The following FLNA variants were observed in gnomAD, a reference collection of about 807,000 sequenced individuals.
FLNA encodes the protein filamin A.
A neutral mutation model predicts 157.6 loss-of-function variants in FLNA; 7 were observed. The observed-to-expected ratio is 0.04, with a 90% CI of 0.03 to 0.08. The LOEUF (loss-of-function observed/expected upper bound fraction) is 0.08, where lower values mean the gene tolerates loss of function less well. Among genes scored for constraint, FLNA ranks in the 10% least tolerant of loss-of-function variants. FLNA has a pLI of 1.00. For missense variants in FLNA, 1,750 were observed against 2,398.4 expected (o/e 0.73, Z 5.65); for synonymous variants, 1,103 against 1,060.8 (o/e 1.04, Z -0.77).
At chrX:154,369,382 G>A (rs1315504023) in intron 2 of FLNA, among the ~76,000 whole-genome samples, 3 of 112,112 alleles carry the variant, frequency 2.7e-5, no homozygotes, top group Non-Finnish European at 5.7e-5. Context: ...CACACGGGGA[G>A]CAACCAGGCC....
intron 30 of FLNA, among the ~76,000 whole-genome samples, chrX:154,356,651 A>AGGGGAAG (rs1425368614): frequency 1.1e-5 from 1 of 89,867 alleles, no homozygotes; most frequent in African/African-American, 4.3e-5. Flanking sequence ...GCTGGGGGAT[A>AGGGGAAG]GGGGAAGGGG....
rs369768801 is a variant in FLNA at position 154,359,551 on chromosome X, G to A, written c.4075C>T (p.Arg1359Cys). Residue 1359 changes from arginine (R) to cysteine (C), a missense_variant, in exon 24 of 48, where the codon CGT (arginine) becomes TGT (cysteine). By Grantham distance (180) the Arg-to-Cys change is radical. Transcript: ENST00000369850. The part of the protein sequence containing the change: ...VTEGCDPSRV[R>C]VHGPGIQSGT... ...CTTTGGATGCCTGGCCCGTGGACAC[G>A]CACCCGGGAGGGGTCGCAGCCCTCG... is the stretch of plus-strand genomic sequence containing the variant. 1.7e-5 allele frequency: 20 copies of A among 1,209,398 alleles called. No individual in the cohort carries two copies. In the African/African-American group the frequency reaches 1.7e-4, roughly 11 times the overall value.
intron 4 of FLNA, 30 bp downstream of exon 4, chrX:154,367,611 T>G (rs1569551858): frequency 8.3e-7 from 1 of 1,210,690 alleles, no homozygotes. Flanking sequence ...TCCGGTCCCC[T>G]ACAGCTGTAG....
rs782326418 is a variant in FLNA, at chrX:154,354,806, AC to A, written c.5217+18del. 3.3e-6 allele frequency: 4 copies of A among 1,209,606 alleles called. No individual in the cohort carries two copies. The South Asian group carries it at 5.3e-5, about 16-fold the overall frequency. ...ACCTGCCAGACACCCCTGCTGACCT[AC>A]CCCCCACCCCTCCTCACCGTCACTT... On this transcript the variant is annotated intron_variant, in intron 31 of 47. Coordinates refer to ENST00000369850, the MANE Select transcript of FLNA (RefSeq NM_001110556.2).
intron 21 of FLNA, among the ~76,000 whole-genome samples, 179 bp from the exon 22 acceptor site, chrX:154,360,766 G>C (rs2067700198): frequency 8.9e-6 from 1 of 111,855 alleles, no homozygotes; most frequent in African/African-American, 3.2e-5. Context: ...AAAAAGGAGG[G>C]CAGGGCGCGG....
rs372869126 is a variant in FLNA, at chrX:154,358,149, C to T, written c.4755+50G>A. 4 of 1,191,625 alleles carry T rather than the reference C, an allele frequency of 3.4e-6. No individual in the cohort carries two copies. In the East Asian group the frequency reaches 8.9e-5, roughly 27 times the overall value. On this transcript the variant is annotated intron_variant, in intron 28 of 47. Transcript: ENST00000369850. ...AGACACCAGCCACCCGCAGCCCACA[C>T]TCCAGCCGCCCAGGCCCCCCTGCCT...
chrX:154,353,173 C>T lies in FLNA; in HGVS notation c.6054G>A (p.Glu2018=), dbSNP rs782116490. The change falls in exon 38 of 48, where the codon GAG becomes GAA. Residue 2018 remains glutamate, a synonymous_variant. Transcript: ENST00000369850. ...GISFVPKETG[E]HLVHVKKNGQ... ...CATTTTTCTTCACATGCACCAGGTG[C>T]TCCCCCGTCTCCTTGGGCACGAATG... 1 of 1,211,582 alleles carries T rather than the reference C, an allele frequency of 8.3e-7. No individual in the cohort carries two copies. The highest frequency in any genetic ancestry group is 1.8e-5 in the South Asian group (1 of 57,001).
Position 154,357,598 on chromosome X carries a change from G to A in FLNA, c.4781C>T (p.Thr1594Ile). 1 of 1,211,921 alleles carries A rather than the reference G, an allele frequency of 8.3e-7. No homozygotes were observed. The highest frequency in any genetic ancestry group is 1.1e-6 in the Non-Finnish European group (1 of 895,435). ...ITDPEGKPKK[T>I]HIQDNHDGTY... ...GCCGTCATGGTTGTCTTGGATGTGT[G>A]TCTTCTTCGGCTTGCCTTCGGGATC... Residue 1594 changes from threonine (T) to isoleucine (I), a missense_variant, in exon 29 of 48, where the codon ACA becomes ATA. Physicochemically the swap from Thr to Ile is moderately conservative, Grantham distance 89 (BLOSUM62 -1). This residue lies in a region of FLNA where 970 missense variants were observed against 1,302.6 expected (regional missense o/e 0.74). Transcript: ENST00000369850.
At chrX:154,360,715 CAGGCTGCCT>C in intron 21 of FLNA, 128 bp from the exon 22 acceptor site, 2 of 610,894 alleles carry the variant, frequency 3.3e-6, no homozygotes, top group Non-Finnish European at 5.1e-6. Flanking sequence ...CGGGCGGGCC[CAGGCTGCCT>C]GCCAGATGGG....
At chrX:154,369,847 G>A (rs2067791889) in intron 2 of FLNA, among the ~76,000 whole-genome samples, 1 of 112,306 alleles carries the variant, frequency 8.9e-6, no homozygotes, top group Non-Finnish European at 1.9e-5. Context: ...CCTCTGAGTG[G>A]CTGGGGGAAC....
rs371936356 is a variant in FLNA at position 154,366,356 on chromosome X, T to C, written c.1180A>G (p.Ser394Gly). Residue 394 changes from serine (S) to glycine (G), a missense_variant, in exon 8 of 48, where the codon AGT becomes GGT. Coordinates refer to ENST00000369850, the MANE Select transcript of FLNA (RefSeq NM_001110556.2). ...GTGGTCTTGTTGGCGATGTTGCCAC[T>C]GGGCTCCAGGCCGGGACCTTGGGCT... The part of the protein sequence containing the change: ...VTAQGPGLEP[S>G]GNIANKTTYF... The C allele has an allele frequency of 2.5e-6, 3 of 1,211,123 alleles. No individual in the cohort carries two copies. The African/African-American group carries it at 5.2e-5, about 21-fold the overall frequency.
rs143075343 is a variant in FLNA at position 154,370,181 on chromosome X, G to A, written c.373+692C>T. On this transcript the variant is annotated intron_variant, in intron 2 of 47. Coordinates refer to ENST00000369850, the MANE Select transcript of FLNA (RefSeq NM_001110556.2). ...CACGCAGAAAAGCAAGGCCTACATG[G>A]AAGCAAGAGTTTGGCCCAAGATGAA... Among the ~76,000 whole-genome samples the A allele has an allele frequency of 4.4e-4, 49 of 112,567 alleles. No individual in the cohort carries two copies. The East Asian group carries it at 0.013, about 30-fold the overall frequency.
At chrX:154,365,943 G>A (rs1351682245) in intron 9 of FLNA, 81 bp downstream of exon 9, 37 of 977,683 alleles carry the variant, frequency 3.8e-5, no homozygotes, top group South Asian at 1.1e-4. Flanking sequence ...GGGCTGCAGC[G>A]GGACTGGCCC....
chrX:154,368,939 C>T (rs1431535320), intron 2 of FLNA, among the ~76,000 whole-genome samples: 1 of 113,036 alleles, frequency 8.8e-6, no homozygotes. Flanking sequence ...GTGGTTAGGG[C>T]GGGTCCCTGA....
At position 154,353,316 on chromosome X, in the gene FLNA, C is replaced by G; in HGVS notation, c.6002G>C (p.Arg2001Pro). Residue 2001 changes from arginine (R) to proline (P), a missense_variant, in exon 37 of 48, where the codon CGG becomes CCG. Arg to Pro is a moderately radical substitution (Grantham distance 103, BLOSUM62 -2). This residue lies in a region of FLNA where 970 missense variants were observed against 1,302.6 expected (regional missense o/e 0.74). Coordinates refer to ENST00000369850, the MANE Select transcript of FLNA (RefSeq NM_001110556.2). ...SGREEPCLLKRLRNGHVGISF... is the reference protein window; with the variant it reads ...SGREEPCLLKPLRNGHVGISF... ...CTTACCCACGTGGCCATTACGCAGCCGCTTCAGCAAACAGGGCTCCTCCCG... is the reference window on the plus strand; with the variant it reads ...CTTACCCACGTGGCCATTACGCAGCGGCTTCAGCAAACAGGGCTCCTCCCG... 1 of 1,211,986 alleles carries G rather than the reference C, an allele frequency of 8.3e-7. No individual in the cohort carries two copies. Among genetic ancestry groups the G allele is most frequent in the African/African-American group, 1.7e-5 (1 of 57,999 alleles).
In FLNA at chrX:154,350,762, C is replaced by T. The variant is rs782722998; in HGVS notation, c.7156+147G>A. 1.1e-5 allele frequency: 7 copies of T among 635,755 alleles called. No individual in the cohort carries two copies. In the East Asian group the frequency reaches 2.3e-4, roughly 21 times the overall value. 52.4% of individuals were successfully genotyped at this position (635,755 alleles called of 1,213,427 possible). A position where few individuals can be genotyped will look rare whatever the true frequency, so the allele number is the denominator to read the frequency against. ...GAGCCACATCCCCAGCGGCTTGGGT[C>T]ACCAATTGGGAAAGGGTTGCCTGGC... On this transcript the variant is annotated intron_variant, in intron 44 of 47. Transcript: ENST00000369850.
intron 2 of FLNA, 36 bp downstream of exon 2, chrX:154,370,837 G>A (rs782463278): frequency 8.3e-7 from 1 of 1,200,089 alleles, no homozygotes; most frequent in Non-Finnish European, 1.1e-6. Context: ...CGGAGTCCCC[G>A]CCCCCGCCCG....
intron 30 of FLNA, among the ~76,000 whole-genome samples, chrX:154,355,298 C>T (rs1347362740): frequency 8.8e-6 from 1 of 113,659 alleles, no homozygotes; most frequent in Non-Finnish European, 1.9e-5. Flanking sequence ...GTGGGAGAGG[C>T]CCGACAGTAG....
intron 28 of FLNA, 102 bp downstream of exon 28, chrX:154,358,097 T>C: frequency 1.0e-6 from 1 of 965,658 alleles, no homozygotes; most frequent in Non-Finnish European, 1.5e-6. Context: ...TTCCCTGCCC[T>C]CCTTGGTGCA....
Sources: allele counts gnomAD v4.1 joint callset (sites outside exome capture counted in the v4.1 genomes callset), GRCh38; gene constraint gnomAD v4.1.1; regional missense constraint gnomAD v4.1.1; transcripts MANE v1.5; gene names NCBI Gene and HGNC (gene_info 2026-07-23, HGNC 2026-07-21).